The following FOXP1 variants were observed in gnomAD, a reference collection of about 807,000 sequenced individuals.
The protein encoded by FOXP1 is forkhead box P1.
Under a neutral mutation model 98.2 loss-of-function variants are expected in FOXP1, and 15 were observed. The observed-to-expected ratio is 0.15, with a 90% CI of 0.10 to 0.24. FOXP1 has a LOEUF of 0.24. FOXP1 is among the 10% of genes least tolerant of loss of function. FOXP1 has a pLI of 1.00. For missense variants in FOXP1, 633 were observed against 848.5 expected (o/e 0.75, Z 3.15); for synonymous variants, 371 against 314.5 (o/e 1.18, Z -1.90).
intron 17 of FOXP1, among the ~76,000 whole-genome samples, chr3:70,974,169 G>C (rs1412075431): frequency 2.0e-5 from 3 of 152,012 alleles, no homozygotes; most frequent in Non-Finnish European, 4.4e-5. Flanking sequence ...GGACACTCCT[G>C]ATTCAAAAAA....
rs1045217864 is a variant in FOXP1, at chr3:71,005,514, G to A, written c.975-4455C>T. ...CTGAGGATTAATATATTATTTGGGG[G>A]AAATGTATATCACCATAAAAACGAG... On this transcript the variant is annotated intron_variant, in intron 12 of 20. Coordinates refer to ENST00000649528, the MANE Select transcript of FOXP1 (RefSeq NM_001349338.3). Among the ~76,000 whole-genome samples the A allele has an allele frequency of 3.3e-5, 5 of 151,806 alleles. No homozygotes were observed. The East Asian group carries it at 9.7e-4, about 29-fold the overall frequency.
rs1247041136 is a variant in FOXP1, at chr3:71,148,755, T to A, written c.181-36118A>T. Among the ~76,000 whole-genome samples the A allele has an allele frequency of 2.0e-5, 3 of 152,250 alleles. No homozygotes were observed. In the South Asian group the frequency reaches 6.2e-4, roughly 32 times the overall value. On this transcript the variant is annotated intron_variant, in intron 6 of 20. Transcript: ENST00000649528. ...TAAAGCACCATTGAATCTATGGTTA[T>A]CTTTTATTATTATGCCAGGTAATGG...
chr3:71,553,117 C>G lies in FOXP1; in HGVS notation c.-298+28432G>C, dbSNP rs983178343. On this transcript the variant is annotated intron_variant, in intron 2 of 20. Transcript: ENST00000649528. ...CCATAATATTAACTGAGAAAATATT[C>G]GTTCCACAGGTACTAGAGTTACCTG... Among the ~76,000 whole-genome samples the G allele has an allele frequency of 2.0e-5, 3 of 151,952 alleles. No individual in the cohort carries two copies. The South Asian group carries it at 6.2e-4, about 32-fold the overall frequency.
chr3:71,149,339 G>A (rs906866757), intron 6 of FOXP1, among the ~76,000 whole-genome samples: 1 of 152,138 alleles, frequency 6.6e-6, no homozygotes, highest in Non-Finnish European at 1.5e-5. Flanking sequence ...ATTGTATATT[G>A]TATTTAATAG....
At chr3:71,282,821 A>G (rs1439744488) in intron 5 of FOXP1, among the ~76,000 whole-genome samples, 1 of 152,210 alleles carries the variant, frequency 6.6e-6, no homozygotes, top group African/African-American at 2.4e-5. Context: ...TATTCAGGCC[A>G]TGCCCAAAAA....
intron 5 of FOXP1, among the ~76,000 whole-genome samples, chr3:71,293,748 C>G (rs903582736): frequency 2.6e-5 from 4 of 152,030 alleles, no homozygotes; most frequent in Non-Finnish European, 5.9e-5. Flanking sequence ...CTTAGTTTAG[C>G]ATTATGGCTA....
intron 6 of FOXP1, among the ~76,000 whole-genome samples, chr3:71,114,330 G>A (rs976330798): frequency 1.3e-5 from 2 of 152,232 alleles, no homozygotes; most frequent in African/African-American, 4.8e-5. Context: ...TCAGAAGAAA[G>A]AGAGAACAGA....
At chr3:71,388,411 G>A (rs545870486) in intron 3 of FOXP1, among the ~76,000 whole-genome samples, 3 of 152,270 alleles carry the variant, frequency 2.0e-5, no homozygotes, top group African/African-American at 4.8e-5. Context: ...TAGGTTTCAG[G>A]TGAAATGTTT....
In FOXP1 at chr3:71,507,753, A is replaced by G. The variant is rs567634079; in HGVS notation, c.-297-14198T>C. On this transcript the variant is annotated intron_variant, in intron 2 of 20. Coordinates refer to ENST00000649528, the MANE Select transcript of FOXP1 (RefSeq NM_001349338.3). ...CCACCATGCCCGGCTAATTTTTTCT[A>G]TTTTTAGTAGAGATGGGGTTTCACC... Among the ~76,000 whole-genome samples, 4 of 152,024 alleles carry G rather than the reference A, an allele frequency of 2.6e-5. No homozygotes were observed. The South Asian group carries it at 6.2e-4, about 24-fold the overall frequency.
chr3:71,105,968 T>C (rs3846029), intron 7 of FOXP1, among the ~76,000 whole-genome samples: 6,137 of 152,218 alleles, frequency 0.04, 170 homozygotes, highest in Admixed American at 0.064. Flanking sequence ...ACTCAGTAGG[T>C]GCTGAGTAAA....
chr3:71,299,551 C>A (rs2073664092), intron 5 of FOXP1, among the ~76,000 whole-genome samples: 2 of 152,014 alleles, frequency 1.3e-5, no homozygotes, highest in Admixed American at 1.3e-4. Flanking sequence ...CAACAAGAAA[C>A]AAATAAATTT....
intron 6 of FOXP1, among the ~76,000 whole-genome samples, chr3:71,188,774 C>T (rs1204379703): frequency 6.6e-6 from 1 of 152,158 alleles, no homozygotes; most frequent in Non-Finnish European, 1.5e-5. Flanking sequence ...ATAATAAATT[C>T]TGAAATTAAT....
At chr3:71,492,053 C>T (rs2091097122) in intron 3 of FOXP1, among the ~76,000 whole-genome samples, 1 of 152,204 alleles carries the variant, frequency 6.6e-6, no homozygotes, top group African/African-American at 2.4e-5. Context: ...AGACTCATGA[C>T]TTAAGCTGTC....
intron 4 of FOXP1, chr3:71,334,378 A>C (rs2076543662): frequency 6.6e-6 from 1 of 152,214 alleles, no homozygotes; most frequent in Non-Finnish European, 1.5e-5. Flanking sequence ...ACTGTACTCC[A>C]GCCTGGGTGA....
chr3:71,108,019 A>C (rs2057585993), intron 7 of FOXP1, among the ~76,000 whole-genome samples: 1 of 152,148 alleles, frequency 6.6e-6, no homozygotes, highest in African/African-American at 2.4e-5. Flanking sequence ...CCTTCTGAGT[A>C]AGGGGCTCAC....
chr3:71,264,772 G>C (rs749701609), intron 5 of FOXP1, among the ~76,000 whole-genome samples: 1 of 152,010 alleles, frequency 6.6e-6, no homozygotes, highest in Non-Finnish European at 1.5e-5. Flanking sequence ...TCTTGTATTG[G>C]GTACTCCCAT....
intron 11 of FOXP1, among the ~76,000 whole-genome samples, chr3:71,039,364 G>C (rs984248468): frequency 6.6e-6 from 1 of 152,148 alleles, no homozygotes; most frequent in African/African-American, 2.4e-5. Flanking sequence ...GAATTAGACT[G>C]TCTCTCAGAT....
chr3:71,398,102 T>C (rs2081672651), intron 3 of FOXP1, among the ~76,000 whole-genome samples: 1 of 152,344 alleles, frequency 6.6e-6, no homozygotes. Flanking sequence ...GTACCACTCA[T>C]AGCTTCTAAC....
intron 2 of FOXP1, among the ~76,000 whole-genome samples, chr3:71,554,597 A>G (rs2045994342): frequency 6.6e-6 from 1 of 152,220 alleles, no homozygotes; most frequent in African/African-American, 2.4e-5. Context: ...GAAACATCCA[A>G]TGGTATTAAT....
Sources: gnomAD v4.1 joint callset for allele counts (sites outside exome capture counted in the v4.1 genomes callset) on GRCh38, gnomAD v4.1.1 for gene constraint, MANE v1.5 for transcripts, NCBI Gene and HGNC (gene_info 2026-07-23, HGNC 2026-07-21) for gene names.